The following EPHA5 variants were observed in gnomAD, a reference collection of about 807,000 sequenced individuals.
EPHA5 encodes EPH receptor A5.
Under a neutral mutation model 105.0 loss-of-function variants are expected in EPHA5, and 60 were observed. That is an observed-to-expected ratio of 0.57 (90% CI 0.46 to 0.71). The LOEUF is 0.71. EPHA5 is among the 30% of genes least tolerant of loss of function. The pLI, the probability that EPHA5 is intolerant of heterozygous loss-of-function variation, is 0.00. For missense variants in EPHA5, 1,218 were observed against 1,274.7 expected, an observed-to-expected ratio of 0.96 and a Z score of 0.68; for synonymous variants, 513 against 449.1, an observed-to-expected ratio of 1.14 and a Z score of -1.80.
At chr4:65,567,014 C>T (rs1042330278) in intron 3 of EPHA5, among the ~76,000 whole-genome samples, 4 of 151,536 alleles carry the variant, frequency 2.6e-5, no homozygotes, top group Non-Finnish European at 4.4e-5. Flanking sequence ...ACTACACACA[C>T]CCATATACAA....
At chr4:65,394,474 C>T (rs1721021888) in intron 8 of EPHA5, among the ~76,000 whole-genome samples, 1 of 152,108 alleles carries the variant, frequency 6.6e-6, no homozygotes. Context: ...ATAAAAATCT[C>T]TATTATTTTG....
chr4:65,560,037 G>A (rs1190707004), intron 3 of EPHA5, among the ~76,000 whole-genome samples: 1 of 152,072 alleles, frequency 6.6e-6, no homozygotes, highest in African/African-American at 2.4e-5. Context: ...ACAAAAAAAG[G>A]TTGGCAGTTT....
intron 2 of EPHA5, among the ~76,000 whole-genome samples, chr4:65,605,064 C>A (rs907020916): frequency 6.6e-6 from 1 of 152,164 alleles, no homozygotes; most frequent in South Asian, 2.1e-4. Flanking sequence ...CCCATGCTTT[C>A]CTGTACGTTT....
intron 3 of EPHA5, among the ~76,000 whole-genome samples, chr4:65,522,334 A>ATATATATATATATATATAT (rs1560643533): frequency 3.3e-5 from 5 of 149,970 alleles, no homozygotes; most frequent in Non-Finnish European, 5.9e-5. Flanking sequence ...ATATATATAT[A>ATATATATATATATATATAT]AAATCAACAG....
chr4:65,529,701 A>G (rs1735579873), intron 3 of EPHA5, among the ~76,000 whole-genome samples: 1 of 152,150 alleles, frequency 6.6e-6, no homozygotes, highest in African/African-American at 2.4e-5. Context: ...GTGTGCTTGC[A>G]TATATGAAAC....
At chr4:65,327,458 C>G (rs1720192936) in intron 16 of EPHA5, among the ~76,000 whole-genome samples, 3 of 151,184 alleles carry the variant, frequency 2.0e-5, no homozygotes, top group Admixed American at 2.0e-4. Context: ...AATGGAATTA[C>G]AGAAACAAAA....
intron 3 of EPHA5, among the ~76,000 whole-genome samples, chr4:65,575,697 C>G (rs368087907): frequency 6.6e-6 from 1 of 152,030 alleles, no homozygotes; most frequent in African/African-American, 2.4e-5. Context: ...GAAGGCTGCA[C>G]GTGGTGGCTC....
At chr4:65,615,245 A>C (rs1307615307) in intron 2 of EPHA5, among the ~76,000 whole-genome samples, 1 of 150,228 alleles carries the variant, frequency 6.7e-6, no homozygotes, top group African/African-American at 2.4e-5. Flanking sequence ...ACAATAGTTG[A>C]TTAAATAGCA....
intron 3 of EPHA5, among the ~76,000 whole-genome samples, chr4:65,501,891 G>A (rs546041698): frequency 6.6e-6 from 1 of 151,792 alleles, no homozygotes; most frequent in African/African-American, 2.4e-5. Flanking sequence ...CACGGTACTG[G>A]TAGAAAAACA....
intron 4 of EPHA5, among the ~76,000 whole-genome samples, 195 bp downstream of exon 4, chr4:65,495,193 A>G (rs1243916202): frequency 2.6e-5 from 4 of 152,194 alleles, no homozygotes; most frequent in African/African-American, 9.6e-5. Context: ...ACTTCTAACA[A>G]TGAGTGATAA....
chr4:65,414,292 G>A lies in EPHA5; in HGVS notation c.1679C>T (p.Thr560Ile), dbSNP rs774421218. 1 of 1,613,758 alleles carries A rather than the reference G, an allele frequency of 6.2e-7. No homozygotes were observed. The highest frequency in any genetic ancestry group is 1.1e-5 in the South Asian group (1 of 91,068). The change falls in exon 7 of 17, where the codon ACC (threonine) becomes ATC (isoleucine). Residue 560 changes from threonine (T) to isoleucine (I), a missense_variant. Physicochemically the swap from Thr to Ile is moderately conservative, Grantham distance 89 (BLOSUM62 -1). This residue lies in a region of EPHA5 where 971 missense variants were observed against 1,013.5 expected (regional missense o/e 0.96). Transcript: ENST00000613740. Reference protein sequence around the residue: ...VFSRRFEFETTPVSVAASSDQ... With the variant: ...VFSRRFEFETIPVSVAASSDQ... ...TAATTAAAATGACTTACACACTGGG[G>A]TGGTTTCAAACTCAAATCTTCGACT... is the stretch of plus-strand genomic sequence containing the variant.
intron 6 of EPHA5, among the ~76,000 whole-genome samples, chr4:65,420,050 T>A (rs1723791121): frequency 6.6e-6 from 1 of 152,162 alleles, no homozygotes; most frequent in South Asian, 2.1e-4. Context: ...TTTTTTCTTA[T>A]CTCCTTAACA....
chr4:65,320,282 TA>T lies in EPHA5; in HGVS notation c.*3831del, dbSNP rs1398405010. 5 of 230,242 alleles carry T rather than the reference TA, an allele frequency of 2.2e-5. No individual in the cohort carries two copies. The East Asian group carries it at 3.1e-4, about 14-fold the overall frequency. 14.3% of individuals were successfully genotyped at this position (230,242 alleles called of 1,614,324 possible). Reference sequence around the variant, plus strand: ...TGAAAAAATGATGACTTATTTTACTTATTAATGTCAAATAAAGCTAGCATTT... The same window carrying T: ...TGAAAAAATGATGACTTATTTTACTTTTAATGTCAAATAAAGCTAGCATTT... On this transcript the variant is annotated 3_prime_UTR_variant, in exon 17 of 17. Transcript: ENST00000613740.
At position 65,566,049 on chromosome 4, in the gene EPHA5, C is replaced by A. The variant is rs1040729757; in HGVS notation, c.910+35592G>T. On this transcript the variant is annotated intron_variant, in intron 3 of 16. Coordinates refer to ENST00000613740, the MANE Select transcript of EPHA5 (RefSeq NM_001281766.3). ...AAAATATCCTTTCAAACTTGTCTTT[C>A]ATAATTCCACTATCCTTGGCATTAC... 3.2e-4 allele frequency among the ~76,000 whole-genome samples: 49 copies of A among 151,644 alleles called. 1 individual carries two copies. Among genetic ancestry groups the A allele is most frequent in the Admixed American group, 3.1e-3 (47 of 15,154 alleles).
At chr4:65,412,329 G>T (rs1035068052) in intron 7 of EPHA5, among the ~76,000 whole-genome samples, 2 of 152,150 alleles carry the variant, frequency 1.3e-5, no homozygotes, top group African/African-American at 4.8e-5. Flanking sequence ...TGTCTGGAGA[G>T]AAGTTTCCAT....
intron 5 of EPHA5, among the ~76,000 whole-genome samples, chr4:65,437,131 T>C (rs1321580005): frequency 6.6e-6 from 1 of 152,092 alleles, no homozygotes; most frequent in African/African-American, 2.4e-5. Context: ...AACACTATGA[T>C]AAGTTATTTA....
intron 7 of EPHA5, among the ~76,000 whole-genome samples, chr4:65,406,370 T>C (rs1024854190): frequency 9.2e-5 from 14 of 152,148 alleles, no homozygotes; most frequent in African/African-American, 3.4e-4. Flanking sequence ...CCCTCCACCA[T>C]TGTAAGGCGT....
At chr4:65,416,947 T>C (rs1424746166) in intron 6 of EPHA5, among the ~76,000 whole-genome samples, 1 of 152,222 alleles carries the variant, frequency 6.6e-6, no homozygotes, top group Non-Finnish European at 1.5e-5. Context: ...ACACCCACAA[T>C]TGCCCTGCTG....
intron 1 of EPHA5, among the ~76,000 whole-genome samples, chr4:65,658,647 A>T (rs1054051569): frequency 6.6e-6 from 1 of 152,082 alleles, no homozygotes; most frequent in Non-Finnish European, 1.5e-5. Context: ...ATTCTAAGCC[A>T]TATTGTTATA....
Sources: gnomAD v4.1 joint callset for allele counts (sites outside exome capture counted in the v4.1 genomes callset) on GRCh38, gnomAD v4.1.1 for gene constraint, gnomAD v4.1.1 regional missense constraint, MANE v1.5 for transcripts, NCBI Gene and HGNC (gene_info 2026-07-23, HGNC 2026-07-21) for gene names.